Variants in XKR4 observed in about 807,000 individuals in gnomAD.
XKR4 encodes the protein XK related 4.
A neutral mutation model predicts 53.9 loss-of-function variants in XKR4; 12 were observed. That is an observed-to-expected ratio of 0.22 (90% confidence interval 0.14 to 0.36). The LOEUF is 0.36. Among genes scored for constraint, XKR4 ranks in the 10% least tolerant of loss-of-function variants. XKR4 has a pLI of 1.00. For synonymous variants in XKR4, 354 were observed against 362.4 expected (o/e 0.98, Z 0.26); for missense variants, 799 against 859.5 (o/e 0.93, Z 0.88).
At chr8:55,209,223 G>GTGTC (rs1183930344) in intron 1 of XKR4, among the ~76,000 whole-genome samples, 1 of 142,102 alleles carries the variant, frequency 7.0e-6, no homozygotes, top group Non-Finnish European at 1.6e-5. Flanking sequence ...GTGTGTGTGT[G>GTGTC]TGTGTTATTC....
At chr8:55,340,031 TTCAA>T (rs1803518539) in intron 1 of XKR4, among the ~76,000 whole-genome samples, 1 of 152,192 alleles carries the variant, frequency 6.6e-6, no homozygotes, top group South Asian at 2.1e-4. Context: ...AACAGAATGG[TTCAA>T]ATTATATCCT....
chr8:55,192,485 A>T (rs1292673316), intron 1 of XKR4, among the ~76,000 whole-genome samples: 1 of 152,176 alleles, frequency 6.6e-6, no homozygotes, highest in Non-Finnish European at 1.5e-5. Context: ...GCAGAAAAAT[A>T]AAGCCTAATG....
At chr8:55,397,236 G>T (rs1182697386) in intron 2 of XKR4, among the ~76,000 whole-genome samples, 1 of 152,100 alleles carries the variant, frequency 6.6e-6, no homozygotes, top group Non-Finnish European at 1.5e-5. Flanking sequence ...TACTTCTTTG[G>T]CAGACTCTGT....
At chr8:55,372,963 C>G (rs1280958656) in intron 2 of XKR4, among the ~76,000 whole-genome samples, 1 of 152,104 alleles carries the variant, frequency 6.6e-6, no homozygotes, top group Non-Finnish European at 1.5e-5. Context: ...GGTATGTAAA[C>G]GTTTGTTAGG....
rs144838313 is a variant in XKR4, at chr8:55,140,656, T to C, written c.806+37362T>C. Among the ~76,000 whole-genome samples the C allele has an allele frequency of 4.4e-3, 672 of 152,358 alleles. 19 individuals carry two copies. Among genetic ancestry groups the C allele is most frequent in the Admixed American group, 0.038 (577 of 15,308 alleles). On this transcript the variant is annotated intron_variant, in intron 1 of 2. Transcript: ENST00000327381. ...ATAAGCTTATGCCTGCAGGGATGTC[T>C]GGTGTATCAGATGTCTGGAGTGTTG... is the stretch of plus-strand genomic sequence containing the variant.
chr8:55,219,326 C>T (rs759113097), intron 1 of XKR4, among the ~76,000 whole-genome samples: 1 of 152,168 alleles, frequency 6.6e-6, no homozygotes, highest in Non-Finnish European at 1.5e-5. Flanking sequence ...TGGATGTTTG[C>T]AGTTCATGCT....
chr8:55,175,916 T>C (rs1413974357), intron 1 of XKR4, among the ~76,000 whole-genome samples: 3 of 152,182 alleles, frequency 2.0e-5, no homozygotes, highest in African/African-American at 7.2e-5. Flanking sequence ...TCAGACTAGT[T>C]ATTGTTGTTA....
intron 2 of XKR4, among the ~76,000 whole-genome samples, chr8:55,370,056 A>G (rs572276206): frequency 9.2e-5 from 14 of 152,114 alleles, no homozygotes; most frequent in East Asian, 1.9e-4. Context: ...CGAGACCCCC[A>G]TCTGTAGGAA....
At chr8:55,451,938 G>T in intron 2 of XKR4, 1 of 768,942 alleles carries the variant, frequency 1.3e-6, no homozygotes. Context: ...AGGGCGGCTG[G>T]CTCCAGTGCT....
chr8:55,456,819 G>A (rs183688832), intron 2 of XKR4, among the ~76,000 whole-genome samples: 1 of 151,980 alleles, frequency 6.6e-6, no homozygotes. Flanking sequence ...TGAAATAAGG[G>A]TCTCAGAAGT....
chr8:55,324,355 C>CAA (rs776402061), intron 1 of XKR4, among the ~76,000 whole-genome samples: 28 of 152,214 alleles, frequency 1.8e-4, no homozygotes, highest in Non-Finnish European at 3.5e-4. Context: ...CTTGGCCTCC[C>CAA]AAAGTGCTGG....
At chr8:55,265,094 A>C (rs746032116) in intron 1 of XKR4, among the ~76,000 whole-genome samples, 1 of 152,204 alleles carries the variant, frequency 6.6e-6, no homozygotes, top group Non-Finnish European at 1.5e-5. Context: ...ATTTTTCTGC[A>C]AGCCATCTTC....
chr8:55,515,066 G>T (rs1488697232), intron 2 of XKR4, among the ~76,000 whole-genome samples: 1 of 152,160 alleles, frequency 6.6e-6, no homozygotes, highest in Non-Finnish European at 1.5e-5. Context: ...GAGACACTTT[G>T]CTTCTCCCAA....
intron 1 of XKR4, among the ~76,000 whole-genome samples, chr8:55,155,062 C>G (rs573638631): frequency 6.6e-6 from 1 of 152,330 alleles, no homozygotes; most frequent in African/African-American, 2.4e-5. Context: ...CTCTTCTTCA[C>G]CCTTTCTGCA....
At chr8:55,519,737 A>C (rs1806771349) in intron 2 of XKR4, among the ~76,000 whole-genome samples, 1 of 152,154 alleles carries the variant, frequency 6.6e-6, no homozygotes, top group Non-Finnish European at 1.5e-5. Context: ...AAATTGATTG[A>C]AGTTGATAAC....
At chr8:55,219,085 A>G (rs1271263207) in intron 1 of XKR4, among the ~76,000 whole-genome samples, 1 of 151,646 alleles carries the variant, frequency 6.6e-6, no homozygotes, top group Non-Finnish European at 1.5e-5. Flanking sequence ...AAGGATAGTC[A>G]TGAATCCCTT....
chr8:55,117,844 A>G (rs894291446), intron 1 of XKR4, among the ~76,000 whole-genome samples: 12 of 152,176 alleles, frequency 7.9e-5, no homozygotes, highest in Admixed American at 5.2e-4. Flanking sequence ...CATAATATCA[A>G]TGAGAACTAA....
intron 2 of XKR4, among the ~76,000 whole-genome samples, chr8:55,434,178 A>G (rs76098580): frequency 1.3e-5 from 2 of 152,242 alleles, no homozygotes; most frequent in Non-Finnish European, 2.9e-5. Flanking sequence ...TATACATTAG[A>G]GAAAATTAAC....
At chr8:55,484,382 A>G (rs1806161667) in intron 2 of XKR4, among the ~76,000 whole-genome samples, 1 of 152,230 alleles carries the variant, frequency 6.6e-6, no homozygotes, top group Non-Finnish European at 1.5e-5. Flanking sequence ...AAAACTCCAG[A>G]TTAATATCTC....
Sources: allele counts gnomAD v4.1 joint callset (sites outside exome capture counted in the v4.1 genomes callset), GRCh38; gene constraint gnomAD v4.1.1; transcripts MANE v1.5; gene names NCBI Gene and HGNC (gene_info 2026-07-23, HGNC 2026-07-21).